LMAN1: variants seen among roughly 807,000 people sequenced by gnomAD.
LMAN1 encodes the protein lectin, mannose binding 1, also known as protein ERGIC-53.
A neutral mutation model predicts 67.8 loss-of-function variants in LMAN1; 32 were observed. That is an observed-to-expected ratio of 0.47 (90% CI 0.36 to 0.63). LMAN1 has a LOEUF of 0.63. Ranked by LOEUF, LMAN1 falls within the 30% of genes least tolerant of loss-of-function variation. The pLI is 0.00. For missense variants in LMAN1, 632 were observed against 628.2 expected (o/e 1.01, Z -0.06); for synonymous variants, 235 against 219.3 (o/e 1.07, Z -0.63).
At chr18:59,353,755 TAC>T (rs1233187232) in intron 4 of LMAN1, among the ~76,000 whole-genome samples, 6 of 152,238 alleles carry the variant, frequency 3.9e-5, no homozygotes, top group South Asian at 2.1e-4. Flanking sequence ...ATTATAAATA[TAC>T]AGTCATCCTT....
intron 11 of LMAN1, 104 bp downstream of exon 11, chr18:59,332,987 A>G (rs1346444753): frequency 2.1e-6 from 2 of 931,942 alleles, no homozygotes; most frequent in Non-Finnish European, 3.4e-6. Context: ...AAACATTAAA[A>G]ATAAGCATTA....
rs765287063 is a variant in LMAN1, at chr18:59,346,052, CTT to C, written c.823-3_823-2del. ...CCGAAATTTCTTTATCTGGTGTGGG[CTT>C]TTTTTTGGAGTTTTGGAATAGATCA... On this transcript the variant is annotated splice_acceptor_variant and splice_polypyrimidine_tract_variant and intron_variant, in intron 7 of 12. Transcript: ENST00000251047. LOFTEE classifies it high-confidence loss of function. The C allele has an allele frequency of 1.2e-6, 2 of 1,603,570 alleles. No homozygotes were observed. The highest frequency in any genetic ancestry group is 1.7e-6 in the Non-Finnish European group (2 of 1,175,296).
chr18:59,340,993 GAC>G, intron 8 of LMAN1, among the ~76,000 whole-genome samples: 1 of 152,096 alleles, frequency 6.6e-6, no homozygotes, highest in East Asian at 1.9e-4. Flanking sequence ...TATTCATAAA[GAC>G]ACACATAGAC....
intron 7 of LMAN1, among the ~76,000 whole-genome samples, chr18:59,346,924 T>C (rs1014519453): frequency 6.6e-6 from 1 of 152,022 alleles, no homozygotes; most frequent in South Asian, 2.1e-4. Flanking sequence ...AACATTTCTG[T>C]TTTAGCAATT....
intron 10 of LMAN1, among the ~76,000 whole-genome samples, chr18:59,338,017 T>G (rs1908198435): frequency 6.6e-6 from 1 of 152,202 alleles, no homozygotes; most frequent in South Asian, 2.1e-4. Flanking sequence ...CATTAGAAAT[T>G]TATTGTTCAA....
intron 8 of LMAN1, among the ~76,000 whole-genome samples, chr18:59,339,464 C>T (rs1331110735): frequency 6.6e-6 from 1 of 152,124 alleles, no homozygotes. Context: ...AACCCCAGGG[C>T]CCTGCAGTCC....
At chr18:59,337,197 T>C (rs1331308812) in intron 10 of LMAN1, among the ~76,000 whole-genome samples, 1 of 148,932 alleles carries the variant, frequency 6.7e-6, no homozygotes, top group Non-Finnish European at 1.5e-5. Flanking sequence ...CATATTATAA[T>C]ATATAATATC....
intron 10 of LMAN1, among the ~76,000 whole-genome samples, 184 bp downstream of exon 10, chr18:59,338,373 C>T (rs372675675): frequency 1.3e-5 from 2 of 152,208 alleles, no homozygotes; most frequent in East Asian, 1.9e-4. Flanking sequence ...AAACTTTAGA[C>T]ATGTTTGCAG....
intron 7 of LMAN1, among the ~76,000 whole-genome samples, chr18:59,346,677 C>T (rs972065536): frequency 1.3e-4 from 19 of 151,576 alleles, no homozygotes; most frequent in African/African-American, 4.4e-4. Context: ...TGCACCACCA[C>T]ACCCAGCTAT....
Position 59,353,298 on chromosome 18 carries a change from G to A in LMAN1, c.543C>T (p.Asp181=), listed in dbSNP as rs748866846. The change falls in exon 5 of 13, where the codon GAC becomes GAT. Residue 181 remains aspartate, a synonymous_variant. Transcript: ENST00000251047. ...AACTTGCCAAAGCTTGACTAGCCCC[G>A]TCACTATAGTGTAAGGGGGAGGAAA... ...NGQIHYDHQN[D]GASQALASCQ... 19 of 1,611,356 alleles carry A rather than the reference G, an allele frequency of 1.2e-5. No homozygotes were observed. Among genetic ancestry groups the A allele is most frequent in the African/African-American group, 4.0e-5 (3 of 74,830 alleles).
chr18:59,347,472 A>AAAC (rs10632432), intron 7 of LMAN1, 41 bp downstream of exon 7: 1 of 1,477,368 alleles, frequency 6.8e-7, no homozygotes, highest in Non-Finnish European at 9.4e-7. Context: ...CTAAAAGGCA[A>AAAC]ACTAAACTGA....
intron 6 of LMAN1, among the ~76,000 whole-genome samples, chr18:59,348,047 T>C (rs983129523): frequency 6.6e-6 from 1 of 152,228 alleles, no homozygotes; most frequent in African/African-American, 2.4e-5. Flanking sequence ...ATACCACCTT[T>C]TGTCTTACTT....
chr18:59,351,133 A>T (rs1908534858), intron 5 of LMAN1, among the ~76,000 whole-genome samples: 1 of 152,220 alleles, frequency 6.6e-6, no homozygotes, highest in Non-Finnish European at 1.5e-5. Context: ...TGAGCACTTC[A>T]CATTGGCACA....
rs1455475890 is a variant in LMAN1 at position 59,359,115 on chromosome 18, G to A, written c.130C>T (p.Arg44Cys). 13 of 1,614,118 alleles carry A rather than the reference G, an allele frequency of 8.1e-6. 1 individual carries two copies. The South Asian group carries it at 1.2e-4, about 15-fold the overall frequency. The change falls in exon 1 of 13, where the codon CGC becomes TGC. Residue 44 changes from arginine (R) to cysteine (C), a missense_variant. Arg to Cys is a radical substitution (Grantham distance 180, BLOSUM62 -3). Transcript: ENST00000251047. ...GGDPAVALPH[R>C]RFEYKYSFKG... Reference sequence around the variant, plus strand: ...AAGCTGTATTTGTACTCGAAACGGCGATGTGGCAACGCGACCGCGGGGTCT... The same window carrying A: ...AAGCTGTATTTGTACTCGAAACGGCAATGTGGCAACGCGACCGCGGGGTCT...
intron 6 of LMAN1, 27 bp downstream of exon 6, chr18:59,349,086 T>G: frequency 6.2e-7 from 1 of 1,613,794 alleles, no homozygotes; most frequent in Non-Finnish European, 8.5e-7. Flanking sequence ...TCACAAACTT[T>G]TAATATCATC....
At chr18:59,358,794 CA>C (rs1337806318) in intron 1 of LMAN1, among the ~76,000 whole-genome samples, 1 of 152,108 alleles carries the variant, frequency 6.6e-6, no homozygotes, top group Non-Finnish European at 1.5e-5. Context: ...GGGAAGACAG[CA>C]GGCGGGTGAG....
chr18:59,332,157 T>G (rs372294416), intron 11 of LMAN1, among the ~76,000 whole-genome samples: 1 of 152,142 alleles, frequency 6.6e-6, no homozygotes, highest in Admixed American at 6.6e-5. Context: ...CTAAGATTAG[T>G]TGTTCCCAAT....
chr18:59,333,318 T>C, intron 10 of LMAN1, 74 bp from the exon 11 acceptor site: 1 of 1,167,490 alleles, frequency 8.6e-7, no homozygotes, highest in Non-Finnish European at 1.2e-6. Flanking sequence ...TCTCCAATAC[T>C]TTTACTTTTC....
At position 59,349,922 on chromosome 18, in the gene LMAN1, T is replaced by C. The variant is rs41374545; in HGVS notation, c.640-686A>G. 4.9e-3 allele frequency among the ~76,000 whole-genome samples: 739 copies of C among 152,322 alleles called. 7 individuals carry two copies. The highest frequency in any genetic ancestry group is 0.017 in the African/African-American group (689 of 41,574). Reference sequence around the variant, plus strand: ...TCAAGCAGTGGTTCAGCCTCTTCAATACATTTCATTTCTAATAATCCTCTC... The same window carrying C: ...TCAAGCAGTGGTTCAGCCTCTTCAACACATTTCATTTCTAATAATCCTCTC... On this transcript the variant is annotated intron_variant, in intron 5 of 12. Transcript: ENST00000251047.
Sources: gnomAD v4.1 joint callset for allele counts (sites outside exome capture counted in the v4.1 genomes callset) on GRCh38, gnomAD v4.1.1 for gene constraint, MANE v1.5 for transcripts, NCBI Gene and HGNC (gene_info 2026-07-23, HGNC 2026-07-21) for gene names.